MOB3B: variants seen among roughly 807,000 people sequenced by gnomAD.
MOB3B encodes MOB kinase activator-like 2B.
Under a neutral mutation model 18.7 loss-of-function variants are expected in MOB3B, and 7 were observed. The observed-to-expected ratio is 0.37, with a 90% CI of 0.21 to 0.70. The LOEUF (loss-of-function observed/expected upper bound fraction) is 0.70. Ranked by LOEUF, MOB3B falls within the 30% of genes least tolerant of loss-of-function variation. MOB3B has a pLI of 0.52. For missense variants in MOB3B, 253 were observed against 281.3 expected, an observed-to-expected ratio of 0.90 and a Z score of 0.72; for synonymous variants, 111 against 99.9, an observed-to-expected ratio of 1.11 and a Z score of -0.66.
intron 2 of MOB3B, among the ~76,000 whole-genome samples, chr9:27,404,851 T>C (rs1184434857): frequency 1.3e-5 from 2 of 152,182 alleles, no homozygotes; most frequent in African/African-American, 4.8e-5. Flanking sequence ...CTGTTCTCCA[T>C]AGTGGCTATA....
chr9:27,443,511 T>C (rs1822627280), intron 2 of MOB3B, among the ~76,000 whole-genome samples: 1 of 152,222 alleles, frequency 6.6e-6, no homozygotes, highest in Admixed American at 6.5e-5. Context: ...TTCTTAAATA[T>C]CAGGATTTAG....
chr9:27,433,260 T>C (rs1822444083), intron 2 of MOB3B, among the ~76,000 whole-genome samples: 1 of 152,116 alleles, frequency 6.6e-6, no homozygotes, highest in Non-Finnish European at 1.5e-5. Flanking sequence ...AATATAATAA[T>C]TTTAAATCAG....
intron 2 of MOB3B, among the ~76,000 whole-genome samples, chr9:27,406,143 G>A (rs764187815): frequency 2.0e-5 from 3 of 152,158 alleles, no homozygotes; most frequent in Non-Finnish European, 4.4e-5. Context: ...CTAGCCTTGT[G>A]TGCAGATGCT....
intron 3 of MOB3B, among the ~76,000 whole-genome samples, chr9:27,338,328 G>C (rs1820891893): frequency 6.6e-6 from 1 of 152,130 alleles, no homozygotes; most frequent in Non-Finnish European, 1.5e-5. Context: ...AAGCCACGTA[G>C]GTGGGAGACA....
chr9:27,526,614 A>G (rs1312556063), intron 1 of MOB3B: 1 of 152,214 alleles, frequency 6.6e-6, no homozygotes, highest in Non-Finnish European at 1.5e-5. Context: ...TTCAGTTAAT[A>G]TACATTTTCT....
Position 27,326,837 on chromosome 9 carries a change from A to G in MOB3B, c.*3750T>C. 1 of 351,514 alleles carries G rather than the reference A, an allele frequency of 2.8e-6. No homozygotes were observed. Among genetic ancestry groups the G allele is most frequent in the Non-Finnish European group, 5.1e-6 (1 of 197,162 alleles). The allele number at this position is 351,514 out of a possible 1,614,324, so 21.8% of individuals were successfully genotyped here. ...CTTGCACCATCACCATGAAATTTTA[A>G]TACCACATAAATACTTTGTATCTGT... On this transcript the variant is annotated 3_prime_UTR_variant, in exon 4 of 4. Coordinates refer to ENST00000262244, the MANE Select transcript of MOB3B (RefSeq NM_024761.5).
chr9:27,379,086 G>A (rs1237419607), intron 2 of MOB3B, among the ~76,000 whole-genome samples: 1 of 152,168 alleles, frequency 6.6e-6, no homozygotes, highest in African/African-American at 2.4e-5. Flanking sequence ...CCCCAGGCTG[G>A]AGGTGTTCAA....
chr9:27,470,324 C>T (rs1406301018), intron 1 of MOB3B, among the ~76,000 whole-genome samples: 2 of 152,044 alleles, frequency 1.3e-5, no homozygotes, highest in African/African-American at 4.8e-5. Context: ...GCAGCTGAAG[C>T]AGGGTGTCTA....
chr9:27,410,381 G>A (rs890043856), intron 2 of MOB3B, among the ~76,000 whole-genome samples: 3 of 152,162 alleles, frequency 2.0e-5, no homozygotes, highest in East Asian at 1.9e-4. Context: ...ATGATGGCAT[G>A]GGAATATTGG....
At chr9:27,445,882 C>A (rs1240539814) in intron 2 of MOB3B, among the ~76,000 whole-genome samples, 1 of 152,146 alleles carries the variant, frequency 6.6e-6, no homozygotes, top group African/African-American at 2.4e-5. Flanking sequence ...GTGGGCAACA[C>A]AATGAACACC....
At chr9:27,438,793 TAA>T (rs1200733117) in intron 2 of MOB3B, among the ~76,000 whole-genome samples, 3 of 152,162 alleles carry the variant, frequency 2.0e-5, no homozygotes, top group Non-Finnish European at 4.4e-5. Flanking sequence ...CACAGCCATT[TAA>T]AGAGTCAACA....
chr9:27,366,575 C>T (rs754911186), intron 2 of MOB3B, among the ~76,000 whole-genome samples: 8 of 152,122 alleles, frequency 5.3e-5, no homozygotes, highest in Non-Finnish European at 1.0e-4. Context: ...AGAAATGCTT[C>T]GGTTGACGAA....
At position 27,339,232 on chromosome 9, in the gene MOB3B, G is replaced by A. The variant is rs374440509; in HGVS notation, c.622-8616C>T. Among the ~76,000 whole-genome samples, 13 of 152,292 alleles carry A rather than the reference G, an allele frequency of 8.5e-5. No individual in the cohort carries two copies. The East Asian group carries it at 1.5e-3, about 18-fold the overall frequency. The stretch of plus-strand genomic sequence containing the variant: ...GGAGTCAATGGTGGAATCCTTAGGC[G>A]AGGTTCAGGCATGAGGCCTAAACAT... On this transcript the variant is annotated intron_variant, in intron 3 of 3. Transcript: ENST00000262244.
chr9:27,414,818 A>C (rs1822121419), intron 2 of MOB3B, among the ~76,000 whole-genome samples: 1 of 152,194 alleles, frequency 6.6e-6, no homozygotes, highest in Non-Finnish European at 1.5e-5. Flanking sequence ...ATGAGAAAGA[A>C]ATCCCGTGAG....
chr9:27,501,419 C>T (rs565158745), intron 1 of MOB3B, among the ~76,000 whole-genome samples: 65 of 151,928 alleles, frequency 4.3e-4, no homozygotes, highest in Middle Eastern at 6.8e-3. Context: ...TACTATGCAG[C>T]CAAAAAAAGG....
intron 1 of MOB3B, among the ~76,000 whole-genome samples, chr9:27,459,255 ATAGT>A (rs34956142): frequency 0.14 from 21,113 of 152,122 alleles, 1,800 homozygotes; most frequent in Middle Eastern, 0.19. Flanking sequence ...GGCTAATCAA[ATAGT>A]TAGAACAGTG....
intron 2 of MOB3B, among the ~76,000 whole-genome samples, chr9:27,399,047 C>T (rs1821839811): frequency 6.6e-6 from 1 of 151,884 alleles, no homozygotes; most frequent in South Asian, 2.1e-4. Context: ...TATTGAGTCC[C>T]CAAGTGGAGG....
chr9:27,344,801 G>T (rs574782029), intron 3 of MOB3B, among the ~76,000 whole-genome samples: 3 of 152,338 alleles, frequency 2.0e-5, no homozygotes, highest in Admixed American at 1.3e-4. Context: ...TTCTGGATGT[G>T]CTGTGAGCAC....
chr9:27,368,195 AAAC>A (rs1821364897), intron 2 of MOB3B, among the ~76,000 whole-genome samples: 1 of 152,182 alleles, frequency 6.6e-6, no homozygotes, highest in Non-Finnish European at 1.5e-5. Context: ...AAACAAAACA[AAAC>A]AAAACAAAAC....
Sources: allele counts gnomAD v4.1 joint callset (sites outside exome capture counted in the v4.1 genomes callset), GRCh38; gene constraint gnomAD v4.1.1; transcripts MANE v1.5; gene names NCBI Gene and HGNC (gene_info 2026-07-23, HGNC 2026-07-21).